BDP1: variants seen among roughly 807,000 people sequenced by gnomAD.
BDP1 encodes the protein transcription factor TFIIIB component B'' homolog.
A neutral mutation model predicts 266.6 loss-of-function variants in BDP1; 169 were observed. That is an observed-to-expected ratio of 0.63 (90% CI 0.56 to 0.72). BDP1 has a LOEUF of 0.72. Among genes scored for constraint, BDP1 ranks in the 30% least tolerant of loss-of-function variants. The pLI, the probability that BDP1 is intolerant of heterozygous loss-of-function variation, is 0.00. For synonymous variants in BDP1, 1,090 were observed against 1,022.4 expected (o/e 1.07, Z -1.26); for missense variants, 3,015 against 3,053.8 (o/e 0.99, Z 0.30).
Position 71,510,391 on chromosome 5 carries a change from C to T in BDP1, c.3299C>T (p.Pro1100Leu). ...GAAGAAACTGAAAGAGAAATATCCCCACAGGAAAATGGCCTAGAGGAGGTT... is the reference window on the plus strand; with the variant it reads ...GAAGAAACTGAAAGAGAAATATCCCTACAGGAAAATGGCCTAGAGGAGGTT... ...DLEETEREIS[P>L]QENGLEEVKP... is the part of the protein sequence containing the mutation. The change falls in exon 17 of 39, where the codon CCA becomes CTA. Residue 1100 changes from proline to leucine, a missense_variant. Physicochemically the swap from Pro to Leu is moderately conservative, Grantham distance 98 (BLOSUM62 -3). Around this residue, in one of 3 missense-constraint regions of BDP1, gnomAD observed 2,383 missense variants for 2,404.9 expected, o/e 0.99. Coordinates refer to ENST00000358731, the MANE Select transcript of BDP1 (RefSeq NM_018429.3). 6.2e-7 allele frequency: 1 copy of T among 1,614,010 alleles called. No homozygotes were observed. The highest frequency in any genetic ancestry group is 8.5e-7 in the Non-Finnish European group (1 of 1,180,022).
chr5:71,560,255 TTAA>T lies in BDP1; in HGVS notation c.7496+22_7496+24del. The T allele has an allele frequency of 6.2e-7, 1 of 1,610,198 alleles. No individual in the cohort carries two copies. Among genetic ancestry groups the T allele is most frequent in the South Asian group, 1.1e-5 (1 of 90,548 alleles). On this transcript the variant is annotated intron_variant, in intron 37 of 38. Coordinates refer to ENST00000358731, the MANE Select transcript of BDP1 (RefSeq NM_018429.3). ...CTATCCAGGTATCATGAACAAATCT[TTAA>T]TAAGTGTTTTGCTCTCTGTCTTAAT...
intron 34 of BDP1, among the ~76,000 whole-genome samples, chr5:71,550,786 A>G (rs1742686828): frequency 6.6e-6 from 1 of 152,006 alleles, no homozygotes; most frequent in Non-Finnish European, 1.5e-5. Context: ...GCTCACTGCA[A>G]CCTCCACCTC....
At chr5:71,530,767 C>T (rs1766196463) in intron 25 of BDP1, among the ~76,000 whole-genome samples, 1 of 152,160 alleles carries the variant, frequency 6.6e-6, no homozygotes, top group Admixed American at 6.5e-5. Context: ...AGATGTGGTA[C>T]ATACAAATGT....
In BDP1 at chr5:71,545,386, C is replaced by T; in HGVS notation, c.6744+167C>T. ...TTGTTCTGTTGCCCAGGCAAGAGTG[C>T]AGTGGTATGATCTCAGCTCACTGCA... On this transcript the variant is annotated intron_variant, in intron 32 of 38. Transcript: ENST00000358731. The T allele has an allele frequency of 5.8e-6, 4 of 687,776 alleles. No individual in the cohort carries two copies. In the South Asian group the frequency reaches 8.0e-5, roughly 14 times the overall value. 42.6% of individuals were successfully genotyped at this position (687,776 alleles called of 1,614,324 possible). A position where few individuals can be genotyped will look rare whatever the true frequency, so the allele number is the denominator to read the frequency against.
rs1173256466 is a variant in BDP1, at chr5:71,516,098, G to C, written c.4687G>C (p.Glu1563Gln). 2 of 1,610,684 alleles carry C rather than the reference G, an allele frequency of 1.2e-6. No individual in the cohort carries two copies. Among genetic ancestry groups the C allele is most frequent in the Non-Finnish European group, 1.7e-6 (2 of 1,178,282 alleles). Residue 1563 changes from glutamate (E) to glutamine (Q), a missense_variant, in exon 21 of 39, where the codon GAA becomes CAA. Glu to Gln is a conservative substitution (Grantham distance 29). Transcript: ENST00000358731. ...NVNTFQQEMK[E>Q]SVIQTARQVR... is the part of the protein sequence containing the mutation. Reference sequence around the variant, plus strand: ...AAACACTTTCCAGCAAGAAATGAAGGAAAGTGTTATCCAAACTGCTCGACA... The same window carrying C: ...AAACACTTTCCAGCAAGAAATGAAGCAAAGTGTTATCCAAACTGCTCGACA...
chr5:71,503,935 G>A (rs867947651), intron 15 of BDP1, among the ~76,000 whole-genome samples: 5 of 151,034 alleles, frequency 3.3e-5, no homozygotes, highest in East Asian at 2.0e-4. Context: ...TAATTATGCC[G>A]TTGCACTCTA....
intron 12 of BDP1, among the ~76,000 whole-genome samples, chr5:71,496,241 C>CAAAAAA (rs34456179): frequency 9.1e-6 from 1 of 110,102 alleles, no homozygotes. Context: ...GACTCCATTT[C>CAAAAAA]AAAAAAAAAA....
At chr5:71,511,316 T>G in intron 17 of BDP1, 165 bp downstream of exon 17, 2 of 670,092 alleles carry the variant, frequency 3.0e-6, no homozygotes, top group Non-Finnish European at 2.5e-6. Context: ...TTGAAGAAAC[T>G]GTATGTTCTT....
At chr5:71,504,873 G>A in intron 16 of BDP1, 122 bp downstream of exon 16, 2 of 852,534 alleles carry the variant, frequency 2.3e-6, no homozygotes, top group East Asian at 2.7e-5. Context: ...GTTATGTAGT[G>A]TTTAAAAATA....
intron 11 of BDP1, among the ~76,000 whole-genome samples, chr5:71,491,663 C>G (rs768829755): frequency 2.6e-5 from 4 of 152,096 alleles, no homozygotes; most frequent in Non-Finnish European, 4.4e-5. Flanking sequence ...AACAGCAACT[C>G]CTATTTCCTC....
intron 13 of BDP1, among the ~76,000 whole-genome samples, chr5:71,501,005 G>A (rs1248346438): frequency 2.0e-5 from 3 of 151,704 alleles, no homozygotes; most frequent in East Asian, 3.9e-4. Flanking sequence ...GCTGAGGTGG[G>A]AGGATCACCT....
chr5:71,490,260 C>T (rs1763507987), intron 10 of BDP1, among the ~76,000 whole-genome samples: 1 of 152,128 alleles, frequency 6.6e-6, no homozygotes, highest in South Asian at 2.1e-4. Flanking sequence ...CCAGAACAAC[C>T]TTTCTATAAA....
intron 15 of BDP1, among the ~76,000 whole-genome samples, chr5:71,503,513 T>C (rs772323181): frequency 1.4e-4 from 21 of 152,212 alleles, no homozygotes; most frequent in Non-Finnish European, 2.6e-4. Context: ...AATAAGTACA[T>C]ATGTGAGTTT....
intron 2 of BDP1, among the ~76,000 whole-genome samples, chr5:71,460,381 A>G (rs1045988702): frequency 6.6e-6 from 1 of 152,216 alleles, no homozygotes; most frequent in Non-Finnish European, 1.5e-5. Context: ...CTCCGTCTCA[A>G]AAAAAACCAA....
chr5:71,565,017 G>A lies in BDP1; in HGVS notation c.*132G>A. 2.5e-6 allele frequency: 2 copies of A among 796,142 alleles called. No individual in the cohort carries two copies. The highest frequency in any genetic ancestry group is 4.5e-5 in the South Asian group (2 of 44,224). 49.3% of individuals were successfully genotyped at this position (796,142 alleles called of 1,614,324 possible). On this transcript the variant is annotated 3_prime_UTR_variant, in exon 39 of 39. Transcript: ENST00000358731. The stretch of plus-strand genomic sequence containing the variant: ...TAGGTTGATTTTGAATACTTAATGA[G>A]CTTGATTTGAAGCTTTTATAATCAG...
chr5:71,576,280 A>G, the BDP1 span, among the ~76,000 whole-genome samples: 1 of 152,204 alleles, frequency 6.6e-6, no homozygotes, highest in Non-Finnish European at 1.5e-5. Flanking sequence ...ATTAAGGAGC[A>G]TGGGCTCCAG....
At chr5:71,485,525 C>T (rs1229993145) in intron 8 of BDP1, among the ~76,000 whole-genome samples, 1 of 152,054 alleles carries the variant, frequency 6.6e-6, no homozygotes, top group African/African-American at 2.4e-5. Flanking sequence ...GTTTAGTTTC[C>T]AGAGATTCTT....
chr5:71,566,615 C>T lies in BDP1; in HGVS notation c.*1730C>T, dbSNP rs944377790. 2 of 152,146 alleles carry T rather than the reference C, an allele frequency of 1.3e-5. No homozygotes were observed. The highest frequency in any genetic ancestry group is 4.8e-5 in the African/African-American group (2 of 41,424). The allele number at this position is 152,146 out of a possible 1,614,324, so 9.4% of individuals were successfully genotyped here. A position where few individuals can be genotyped will look rare whatever the true frequency, so the allele number is the denominator to read the frequency against. On this transcript the variant is annotated 3_prime_UTR_variant, in exon 39 of 39. Transcript: ENST00000358731. ...GGCCAGATGGTCTCTGTGGCAGCTA[C>T]TCAGCTCTGCAATTTCAGTGTGAAA... is the stretch of plus-strand genomic sequence containing the variant.
intron 12 of BDP1, among the ~76,000 whole-genome samples, chr5:71,496,811 G>A (rs1580071265): frequency 6.6e-6 from 1 of 152,204 alleles, no homozygotes; most frequent in Non-Finnish European, 1.5e-5. Context: ...TCGAACTCCT[G>A]ACCTCAGGTG....
Sources: allele counts gnomAD v4.1 joint callset (sites outside exome capture counted in the v4.1 genomes callset), GRCh38; gene constraint gnomAD v4.1.1; regional missense constraint gnomAD v4.1.1; transcripts MANE v1.5; gene names NCBI Gene and HGNC (gene_info 2026-07-23, HGNC 2026-07-21).